Variants in CNTNAP2 observed in about 807,000 individuals in gnomAD.
The protein encoded by CNTNAP2 is contactin associated protein 2.
Under a neutral mutation model 155.2 loss-of-function variants are expected in CNTNAP2, and 98 were observed. The ratio of observed to expected loss-of-function variants is 0.63; its 90% CI spans 0.54 to 0.75. The LOEUF (loss-of-function observed/expected upper bound fraction) is 0.75, where lower values mean the gene tolerates loss of function less well. CNTNAP2 is among the 30% of genes least tolerant of loss of function. The pLI, the probability that CNTNAP2 is intolerant of heterozygous loss-of-function variation, is 0.00. For synonymous variants in CNTNAP2, 651 were observed against 631.2 expected, an observed-to-expected ratio of 1.03 and a Z score of -0.47; for missense variants, 1,727 against 1,688.1, an observed-to-expected ratio of 1.02 and a Z score of -0.40.
intron 1 of CNTNAP2, among the ~76,000 whole-genome samples, chr7:146,465,612 C>T (rs1024534511): frequency 6.6e-6 from 1 of 152,142 alleles, no homozygotes; most frequent in Non-Finnish European, 1.5e-5. Flanking sequence ...AGAATCACTT[C>T]CCTTTACACA....
At chr7:147,203,293 G>C in intron 8 of CNTNAP2, among the ~76,000 whole-genome samples, 1 of 152,058 alleles carries the variant, frequency 6.6e-6, no homozygotes, top group East Asian at 1.9e-4. Context: ...TGCCCTGGCT[G>C]GAGTGCAATG....
rs534424714 is a variant in CNTNAP2 at position 147,093,699 on chromosome 7, T to G, written c.551-14448T>G. 7.2e-5 allele frequency among the ~76,000 whole-genome samples: 11 copies of G among 152,258 alleles called. No homozygotes were observed. The East Asian group carries it at 2.1e-3, about 29-fold the overall frequency. On this transcript the variant is annotated intron_variant, in intron 4 of 23. Transcript: ENST00000361727. ...TCTCAATAGCCCCAACAGTCTTAAT[T>G]CATTTCAACATCAATTTTAAATTCT...
intron 2 of CNTNAP2, among the ~76,000 whole-genome samples, chr7:146,783,121 T>C (rs902281585): frequency 6.6e-6 from 1 of 152,192 alleles, no homozygotes; most frequent in Admixed American, 6.5e-5. Flanking sequence ...TGAAAGAGAT[T>C]ATGCCAGTGA....
At chr7:146,934,604 T>TA (rs957644538) in intron 3 of CNTNAP2, among the ~76,000 whole-genome samples, 189 of 151,992 alleles carry the variant, frequency 1.2e-3, no homozygotes, top group Non-Finnish European at 2.2e-3. Context: ...ATAATAAAAT[T>TA]AAAAAAAATT....
intron 10 of CNTNAP2, among the ~76,000 whole-genome samples, chr7:147,422,170 TAG>T (rs1221064016): frequency 6.8e-6 from 1 of 147,530 alleles, no homozygotes; most frequent in Non-Finnish European, 1.5e-5. Context: ...AGTATATATA[TAG>T]TATGTATATA....
rs1281016184 is a variant in CNTNAP2 at position 148,365,721 on chromosome 7, C to T, written c.3476-17928C>T. Among the ~76,000 whole-genome samples the T allele has an allele frequency of 8.8e-5, 6 of 68,092 alleles. 2 individuals are homozygous for T. The highest frequency in any genetic ancestry group is 1.2e-4 in the African/African-American group (3 of 24,274). The allele number at this position is 68,092 out of a possible 152,430, so 44.7% of individuals were successfully genotyped here. ...ATGTATACTTTTATATATATGTATA[C>T]GTGTATATATGTATGTGTATACATG... On this transcript the variant is annotated intron_variant, in intron 21 of 23. Transcript: ENST00000361727.
intron 9 of CNTNAP2, among the ~76,000 whole-genome samples, chr7:147,314,015 G>C (rs1052877407): frequency 2.8e-4 from 43 of 152,064 alleles, no homozygotes; most frequent in Middle Eastern, 3.4e-3. Context: ...ATTTTATTCT[G>C]TTTGAAGCAA....
chr7:146,462,524 A>G (rs12112448), intron 1 of CNTNAP2, among the ~76,000 whole-genome samples: 3,671 of 152,214 alleles, frequency 0.024, 99 homozygotes, highest in African/African-American at 0.065. Context: ...CAGGATACTA[A>G]TCACTAGTTG....
At chr7:146,646,506 C>T (rs1271419787) in intron 1 of CNTNAP2, among the ~76,000 whole-genome samples, 1 of 151,850 alleles carries the variant, frequency 6.6e-6, no homozygotes, top group Non-Finnish European at 1.5e-5. Flanking sequence ...CATAAATATA[C>T]ATTATAGGTA....
rs544779102 is a variant in CNTNAP2, at chr7:147,357,046, A to G, written c.1499-38563A>G. ...TGACCTCCATCTTTCTGATTGTAAC[A>G]TAGTCATCAAAACCTGCTAATTGCT... is the stretch of plus-strand genomic sequence containing the variant. On this transcript the variant is annotated intron_variant, in intron 9 of 23. Transcript: ENST00000361727. Among the ~76,000 whole-genome samples, 4 of 152,232 alleles carry G rather than the reference A, an allele frequency of 2.6e-5. No individual in the cohort carries two copies. The East Asian group carries it at 5.8e-4, about 22-fold the overall frequency.
At chr7:147,400,223 T>G (rs139609186) in intron 10 of CNTNAP2, among the ~76,000 whole-genome samples, 4 of 151,972 alleles carry the variant, frequency 2.6e-5, no homozygotes, top group Non-Finnish European at 5.9e-5. Flanking sequence ...AGGAGAACCA[T>G]AGGGCATCTC....
At chr7:148,018,690 C>T (rs1802224976) in intron 15 of CNTNAP2, among the ~76,000 whole-genome samples, 1 of 152,172 alleles carries the variant, frequency 6.6e-6, no homozygotes, top group Non-Finnish European at 1.5e-5. Context: ...TACAGGTATC[C>T]CGGAGCACCT....
intron 16 of CNTNAP2, among the ~76,000 whole-genome samples, chr7:148,140,149 G>A (rs1201752767): frequency 1.3e-5 from 2 of 152,208 alleles, no homozygotes; most frequent in Non-Finnish European, 2.9e-5. Context: ...TGAGTTTACA[G>A]TCAACCTCTC....
intron 1 of CNTNAP2, among the ~76,000 whole-genome samples, chr7:146,266,410 C>A (rs1159199613): frequency 2.0e-5 from 3 of 152,070 alleles, no homozygotes; most frequent in Non-Finnish European, 4.4e-5. Context: ...TCTTTAAATC[C>A]CCCAGAGTTA....
intron 14 of CNTNAP2, among the ~76,000 whole-genome samples, chr7:147,945,139 G>A (rs980406548): frequency 1.3e-5 from 2 of 152,132 alleles, no homozygotes; most frequent in Non-Finnish European, 2.9e-5. Flanking sequence ...TTCTAGGAAA[G>A]TGTTTTGTAA....
intron 4 of CNTNAP2, among the ~76,000 whole-genome samples, chr7:147,103,025 T>C (rs1403575461): frequency 6.6e-6 from 1 of 152,212 alleles, no homozygotes; most frequent in African/African-American, 2.4e-5. Flanking sequence ...TCAGCGAGAT[T>C]CTTGAAATTT....
intron 12 of CNTNAP2, among the ~76,000 whole-genome samples, chr7:147,566,389 T>C (rs1404849661): frequency 1.4e-5 from 2 of 143,476 alleles, no homozygotes; most frequent in Non-Finnish European, 3.0e-5. Context: ...GGTGGGGGGA[T>C]GAGGAATTAG....
chr7:147,902,809 TG>T (rs1799893269), intron 13 of CNTNAP2, among the ~76,000 whole-genome samples: 3 of 129,472 alleles, frequency 2.3e-5, no homozygotes, highest in African/African-American at 8.5e-5. Flanking sequence ...TGTGTGTGTG[TG>T]TGTATGTGTG....
intron 1 of CNTNAP2, among the ~76,000 whole-genome samples, chr7:146,500,448 T>A (rs1797285010): frequency 6.6e-6 from 1 of 151,810 alleles, no homozygotes; most frequent in Admixed American, 6.6e-5. Flanking sequence ...TGGGGGGAGG[T>A]AAAGAAGTAA....
Sources: allele counts gnomAD v4.1 joint callset (sites outside exome capture counted in the v4.1 genomes callset), GRCh38; gene constraint gnomAD v4.1.1; transcripts MANE v1.5; gene names NCBI Gene and HGNC (gene_info 2026-07-23, HGNC 2026-07-21).